Variants in PACRG observed in about 807,000 individuals in gnomAD.
The protein encoded by PACRG is parkin coregulated.
In PACRG, 29 loss-of-function variants were observed where a neutral mutation model predicts 29.7. That is an observed-to-expected ratio of 0.98 (90% confidence interval 0.73 to 1.33). The LOEUF is 1.33. PACRG is among the 40% of genes most tolerant of loss of function. The probability of loss-of-function intolerance (pLI) is 0.00; values close to 1 mark genes in which losing one functional copy is unlikely to be tolerated. For synonymous variants in PACRG, 116 were observed against 118.7 expected (o/e 0.98, Z 0.15); for missense variants, 279 against 316.2 (o/e 0.88, Z 0.89).
chr6:162,978,515 A>C lies in PACRG; in HGVS notation c.292-83635A>C, dbSNP rs115181827. Among the ~76,000 whole-genome samples, 667 of 152,140 alleles carry C rather than the reference A, an allele frequency of 4.4e-3. 2 individuals carry two copies. Among genetic ancestry groups the C allele is most frequent in the African/African-American group, 0.015 (636 of 41,514 alleles). On this transcript the variant is annotated intron_variant, in intron 2 of 4. Coordinates refer to ENST00000366888, the MANE Select transcript of PACRG (RefSeq NM_001080379.2). Reference sequence around the variant, plus strand: ...ACACACACATTGTAGACATAATTCTATATGGTGTGAGGATTAAAATGTATG... The same window carrying C: ...ACACACACATTGTAGACATAATTCTCTATGGTGTGAGGATTAAAATGTATG...
chr6:162,983,585 C>T (rs762001877), intron 2 of PACRG, among the ~76,000 whole-genome samples: 2 of 151,792 alleles, frequency 1.3e-5, no homozygotes, highest in African/African-American at 2.4e-5. Context: ...TTGCTGGATA[C>T]GATATTCTTG....
intron 4 of PACRG, among the ~76,000 whole-genome samples, chr6:163,130,871 G>A (rs1397589044): frequency 2.0e-5 from 3 of 152,192 alleles, no homozygotes; most frequent in African/African-American, 7.2e-5. Context: ...GAGTTGAAAA[G>A]TCTCCCCGCA....
chr6:163,224,359 A>G (rs1781700204), intron 4 of PACRG, among the ~76,000 whole-genome samples: 1 of 112,822 alleles, frequency 8.9e-6, no homozygotes. Context: ...ACAGAGTGAG[A>G]CTCCATCTCA....
At chr6:163,188,014 C>T (rs1780033882) in intron 4 of PACRG, among the ~76,000 whole-genome samples, 1 of 152,192 alleles carries the variant, frequency 6.6e-6, no homozygotes, top group South Asian at 2.1e-4. Flanking sequence ...CCAAAATGAG[C>T]ATATCTCTTT....
At chr6:162,898,534 C>T (rs1795330602) in intron 2 of PACRG, among the ~76,000 whole-genome samples, 1 of 152,198 alleles carries the variant, frequency 6.6e-6, no homozygotes, top group South Asian at 2.1e-4. Flanking sequence ...ATTATGAACA[C>T]AGGCTCTGGA....
chr6:163,141,563 C>T (rs568011226), intron 4 of PACRG, among the ~76,000 whole-genome samples: 1 of 150,228 alleles, frequency 6.7e-6, no homozygotes, highest in South Asian at 2.1e-4. Flanking sequence ...AATATTTAAT[C>T]ACTATGGAAT....
In PACRG at chr6:163,269,823, G is replaced by A. The variant is rs1259307776; in HGVS notation, c.614-45004G>A. Among the ~76,000 whole-genome samples the A allele has an allele frequency of 1.4e-4, 4 of 27,972 alleles. 1 individual carries two copies. Among genetic ancestry groups the A allele is most frequent in the Non-Finnish European group, 2.0e-4 (2 of 10,016 alleles). 18.4% of individuals were successfully genotyped at this position (27,972 alleles called of 152,430 possible). On this transcript the variant is annotated intron_variant, in intron 4 of 4. Transcript: ENST00000366888. Reference sequence around the variant, plus strand: ...AAGGAAGGAAGGAAGGAAGGAAGGAGAAAGAAAGAAAGAAAAAGAAAGAAA... The same window carrying A: ...AAGGAAGGAAGGAAGGAAGGAAGGAAAAAGAAAGAAAGAAAAAGAAAGAAA...
chr6:163,043,026 G>A (rs192008726), intron 2 of PACRG: 1 of 152,208 alleles, frequency 6.6e-6, no homozygotes, highest in East Asian at 1.9e-4. Flanking sequence ...CAAAAAGAAG[G>A]TGTCACTTTC....
At chr6:162,791,665 G>T (rs1475161112) in intron 1 of PACRG, among the ~76,000 whole-genome samples, 3 of 152,084 alleles carry the variant, frequency 2.0e-5, no homozygotes, top group African/African-American at 7.2e-5. Flanking sequence ...CTAGCTCCAC[G>T]TGGGCGCTTT....
At chr6:163,147,218 T>C (rs1300976549) in intron 4 of PACRG, among the ~76,000 whole-genome samples, 2 of 152,210 alleles carry the variant, frequency 1.3e-5, no homozygotes, top group African/African-American at 4.8e-5. Context: ...ATTACAAAAA[T>C]GTCTAAGACC....
chr6:162,903,719 A>C (rs1795732776), intron 2 of PACRG, among the ~76,000 whole-genome samples: 2 of 152,164 alleles, frequency 1.3e-5, no homozygotes, highest in Non-Finnish European at 2.9e-5. Flanking sequence ...AAACCGTATC[A>C]GGGAATATAT....
intron 1 of PACRG, among the ~76,000 whole-genome samples, chr6:162,733,227 C>T (rs963539019): frequency 1.3e-5 from 2 of 152,160 alleles, no homozygotes; most frequent in African/African-American, 4.8e-5. Context: ...CTTTAATTCT[C>T]CCTTCCTGTC....
Position 162,909,345 on chromosome 6 carries a change from G to A in PACRG, c.291+95064G>A, listed in dbSNP as rs566008589. On this transcript the variant is annotated intron_variant, in intron 2 of 4. Coordinates refer to ENST00000366888, the MANE Select transcript of PACRG (RefSeq NM_001080379.2). ...CCGACGTGGGCGAATCAAGAGGTCA[G>A]GAGATCGAGACCATCCTGGCTAACA... Among the ~76,000 whole-genome samples, 64 of 152,098 alleles carry A rather than the reference G, an allele frequency of 4.2e-4. 1 individual carries two copies. The highest frequency in any genetic ancestry group is 1.5e-3 in the African/African-American group (64 of 41,482).
chr6:162,801,769 T>C (rs1354734931), intron 1 of PACRG, among the ~76,000 whole-genome samples: 1 of 152,112 alleles, frequency 6.6e-6, no homozygotes, highest in East Asian at 1.9e-4. Context: ...CAATAGTGAA[T>C]TTTTGGTTAT....
intron 4 of PACRG, among the ~76,000 whole-genome samples, chr6:163,280,424 T>C (rs1288483323): frequency 6.6e-6 from 1 of 151,250 alleles, no homozygotes; most frequent in Non-Finnish European, 1.5e-5. Flanking sequence ...CACCACCCCA[T>C]AGGCACACAC....
In PACRG at chr6:163,036,127, A is replaced by G. The variant is rs1808162953; in HGVS notation, c.292-26023A>G. Among the ~76,000 whole-genome samples the G allele has an allele frequency of 2.0e-5, 3 of 152,238 alleles. No homozygotes were observed. In the South Asian group the frequency reaches 6.2e-4, roughly 31 times the overall value. On this transcript the variant is annotated intron_variant, in intron 2 of 4. Coordinates refer to ENST00000366888, the MANE Select transcript of PACRG (RefSeq NM_001080379.2). ...TCTGCTGAATTGATCTGCTCAAATT[A>G]ATTGCTAATGCTAATAGTATGTTGC...
intron 4 of PACRG, among the ~76,000 whole-genome samples, chr6:163,250,933 A>G (rs1221303841): frequency 6.7e-6 from 1 of 150,168 alleles, no homozygotes; most frequent in African/African-American, 2.5e-5. Flanking sequence ...CTCAGCCATA[A>G]AAAGGAATGA....
intron 4 of PACRG, among the ~76,000 whole-genome samples, chr6:163,291,445 A>T (rs1421217337): frequency 2.8e-4 from 38 of 137,270 alleles, no homozygotes; most frequent in African/African-American, 6.6e-4. Flanking sequence ...CTGCAAGATG[A>T]CCCCTCTGCC....
intron 4 of PACRG, among the ~76,000 whole-genome samples, chr6:163,227,936 CA>C (rs1781870754): frequency 6.6e-6 from 1 of 152,144 alleles, no homozygotes; most frequent in African/African-American, 2.4e-5. Flanking sequence ...CTTAGAAAAA[CA>C]GCACACTAAT....
Sources: allele counts gnomAD v4.1 joint callset (sites outside exome capture counted in the v4.1 genomes callset), GRCh38; gene constraint gnomAD v4.1.1; transcripts MANE v1.5; gene names NCBI Gene and HGNC (gene_info 2026-07-23, HGNC 2026-07-21).